Variants in ZNF385B observed in about 807,000 individuals in gnomAD.
The protein encoded by ZNF385B is zinc finger protein 533.
Under a neutral mutation model 39.2 loss-of-function variants are expected in ZNF385B, and 23 were observed. That is an observed-to-expected ratio of 0.59 (90% confidence interval 0.42 to 0.83). The LOEUF is 0.83. Among genes scored for constraint, ZNF385B ranks in the 40% least tolerant of loss-of-function variants. The pLI is 0.00. For missense variants in ZNF385B, 552 were observed against 598.9 expected (o/e 0.92, Z 0.82); for synonymous variants, 205 against 222.6 (o/e 0.92, Z 0.70).
intron 4 of ZNF385B, among the ~76,000 whole-genome samples, chr2:179,527,658 TTAAA>T (rs1200415482): frequency 1.3e-5 from 2 of 152,180 alleles, no homozygotes; most frequent in Admixed American, 1.3e-4. Flanking sequence ...CATATCAACT[TTAAA>T]TATTCAGTTC....
At chr2:179,751,266 C>T (rs1702656608) in intron 3 of ZNF385B, among the ~76,000 whole-genome samples, 1 of 151,008 alleles carries the variant, frequency 6.6e-6, no homozygotes, top group Non-Finnish European at 1.5e-5. Flanking sequence ...TCCACACATC[C>T]TCACTCCTTG....
At chr2:179,655,738 C>G (rs1031493082) in intron 3 of ZNF385B, among the ~76,000 whole-genome samples, 3 of 152,226 alleles carry the variant, frequency 2.0e-5, no homozygotes, top group Middle Eastern at 3.4e-3. Context: ...TCAATTAACT[C>G]ATCTATCCTA....
intron 3 of ZNF385B, among the ~76,000 whole-genome samples, chr2:179,595,155 T>C (rs1687893762): frequency 6.6e-6 from 1 of 152,218 alleles, no homozygotes; most frequent in Admixed American, 6.5e-5. Context: ...CTTAAAAGAA[T>C]TAATGAAGAT....
intron 1 of ZNF385B, among the ~76,000 whole-genome samples, chr2:179,831,908 T>C (rs1708008284): frequency 6.6e-6 from 1 of 152,214 alleles, no homozygotes; most frequent in Non-Finnish European, 1.5e-5. Flanking sequence ...GATTCATGCA[T>C]TTGGAAGCTT....
chr2:179,746,985 T>G (rs1702419992), intron 3 of ZNF385B, among the ~76,000 whole-genome samples: 1 of 152,048 alleles, frequency 6.6e-6, no homozygotes. Context: ...GACAACACAT[T>G]TAAGGTTCTA....
intron 3 of ZNF385B, among the ~76,000 whole-genome samples, chr2:179,674,981 T>C (rs1696550227): frequency 6.6e-6 from 1 of 152,172 alleles, no homozygotes; most frequent in South Asian, 2.1e-4. Flanking sequence ...TTGTGTTAAA[T>C]TTGTATACAG....
chr2:179,554,583 A>G (rs1310878425), intron 3 of ZNF385B, among the ~76,000 whole-genome samples: 1 of 149,348 alleles, frequency 6.7e-6, no homozygotes, highest in Non-Finnish European at 1.5e-5. Flanking sequence ...ACAGGAAACA[A>G]AAGATGTTAA....
At chr2:179,640,793 A>G (rs1343977462) in intron 3 of ZNF385B, among the ~76,000 whole-genome samples, 1 of 151,992 alleles carries the variant, frequency 6.6e-6, no homozygotes. Context: ...GAACAACAAC[A>G]AAAAAAATCT....
chr2:179,550,009 A>T lies in ZNF385B; in HGVS notation c.299-5040T>A, dbSNP rs2060470564. Among the ~76,000 whole-genome samples, 2 of 149,454 alleles carry T rather than the reference A, an allele frequency of 1.3e-5. 1 individual carries two copies. Among genetic ancestry groups the T allele is most frequent in the Admixed American group, 1.3e-4 (2 of 15,006 alleles). ...TAACTTCAGTGCTTGTAGATCTAAGATGATGTATTATATAAATATATCAAA... is the reference window on the plus strand; with the variant it reads ...TAACTTCAGTGCTTGTAGATCTAAGTTGATGTATTATATAAATATATCAAA... On this transcript the variant is annotated intron_variant, in intron 3 of 9. Coordinates refer to ENST00000410066, the MANE Select transcript of ZNF385B (RefSeq NM_152520.6).
chr2:179,697,716 T>C (rs1391479408), intron 3 of ZNF385B, among the ~76,000 whole-genome samples: 1 of 152,144 alleles, frequency 6.6e-6, no homozygotes, highest in East Asian at 1.9e-4. Flanking sequence ...CTCTTTTCCT[T>C]TTTTTTGGTA....
intron 3 of ZNF385B, among the ~76,000 whole-genome samples, chr2:179,727,854 C>G (rs1238742666): frequency 3.3e-5 from 5 of 152,056 alleles, no homozygotes; most frequent in African/African-American, 1.2e-4. Flanking sequence ...GATGCCCAGA[C>G]TAGCTTGGAG....
intron 3 of ZNF385B, among the ~76,000 whole-genome samples, chr2:179,570,190 G>A (rs1312833290): frequency 6.6e-6 from 1 of 152,038 alleles, no homozygotes; most frequent in Non-Finnish European, 1.5e-5. Context: ...CTGCTGCCCT[G>A]ACCCATCCCA....
At chr2:179,765,446 T>C (rs1703633008) in intron 3 of ZNF385B, among the ~76,000 whole-genome samples, 1 of 152,192 alleles carries the variant, frequency 6.6e-6, no homozygotes, top group African/African-American at 2.4e-5. Flanking sequence ...AGGGCTCAGG[T>C]AGCAGTGTTT....
intron 3 of ZNF385B, among the ~76,000 whole-genome samples, chr2:179,626,767 A>C (rs1690699154): frequency 6.6e-6 from 1 of 152,164 alleles, no homozygotes; most frequent in South Asian, 2.1e-4. Flanking sequence ...GAAAAAAAAG[A>C]CCCAACCCTC....
intron 6 of ZNF385B, among the ~76,000 whole-genome samples, chr2:179,476,016 C>CA (rs34327373): frequency 0.023 from 1,300 of 56,422 alleles, 19 homozygotes; most frequent in African/African-American, 0.047. Context: ...GCCTCTGTCT[C>CA]AAAAAAAAAA....
chr2:179,557,755 T>C lies in ZNF385B; in HGVS notation c.299-12786A>G, dbSNP rs185503521. On this transcript the variant is annotated intron_variant, in intron 3 of 9. Coordinates refer to ENST00000410066, the MANE Select transcript of ZNF385B (RefSeq NM_152520.6). ...ACATATTTTAGATTCATAGGGTACA[T>C]GTATAGGTTTATATAATGGGTATAT... Among the ~76,000 whole-genome samples the C allele has an allele frequency of 7.0e-4, 107 of 151,972 alleles. 1 individual carries two copies. Among genetic ancestry groups the C allele is most frequent in the Middle Eastern group, 3.4e-3 (1 of 292 alleles).
At chr2:179,758,197 T>C (rs1034342075) in intron 3 of ZNF385B, among the ~76,000 whole-genome samples, 1 of 152,194 alleles carries the variant, frequency 6.6e-6, no homozygotes, top group Non-Finnish European at 1.5e-5. Flanking sequence ...TGGCATTGTG[T>C]CTTAGGCCAT....
intron 4 of ZNF385B, among the ~76,000 whole-genome samples, chr2:179,529,506 T>C (rs16866762): frequency 0.023 from 3,523 of 152,246 alleles, 94 homozygotes; most frequent in Middle Eastern, 0.061. Context: ...TCAAAGATCA[T>C]GCATAACAAA....
In ZNF385B at chr2:179,446,720, C is replaced by G. The variant is rs1471966216; in HGVS notation, c.766G>C (p.Glu256Gln). ...ASSSSQPSSS[E>Q]SGSFLLKSGT... Reference sequence around the variant, plus strand: ...GATTTGAGGAGAAATGAGCCACTTTCAGAGCTTGATGGCTGACTGGAACTG... The same window carrying G: ...GATTTGAGGAGAAATGAGCCACTTTGAGAGCTTGATGGCTGACTGGAACTG... The change falls in exon 7 of 10, where the codon GAA becomes CAA. Residue 256 changes from glutamate to glutamine, a missense_variant. Glu to Gln is a conservative substitution (Grantham distance 29). Coordinates refer to ENST00000410066, the MANE Select transcript of ZNF385B (RefSeq NM_152520.6). 6.2e-7 allele frequency: 1 copy of G among 1,614,044 alleles called. No individual in the cohort carries two copies.
Sources: allele counts gnomAD v4.1 joint callset (sites outside exome capture counted in the v4.1 genomes callset), GRCh38; gene constraint gnomAD v4.1.1; transcripts MANE v1.5; gene names NCBI Gene and HGNC (gene_info 2026-07-23, HGNC 2026-07-21).